SLC22A9: variants seen among roughly 807,000 people sequenced by gnomAD.
SLC22A9 encodes the protein solute carrier family 22 member 9.
A neutral mutation model predicts 50.1 loss-of-function variants in SLC22A9; 64 were observed. The ratio of observed to expected loss-of-function variants is 1.28; its 90% CI spans 1.04 to 1.57. The LOEUF (loss-of-function observed/expected upper bound fraction) is 1.57, where lower values mean the gene tolerates loss of function less well. Among genes scored for constraint, SLC22A9 ranks in the 40% most tolerant of loss-of-function variants. The pLI, the probability that SLC22A9 is intolerant of heterozygous loss-of-function variation, is 0.00. For missense variants in SLC22A9, 757 were observed against 676.1 expected, an observed-to-expected ratio of 1.12 and a Z score of -1.33; for synonymous variants, 261 against 242.5, an observed-to-expected ratio of 1.08 and a Z score of -0.71.
chr11:63,391,495 C>T (rs2014763616), intron 6 of SLC22A9, among the ~76,000 whole-genome samples: 1 of 151,666 alleles, frequency 6.6e-6, no homozygotes, highest in Non-Finnish European at 1.5e-5. Flanking sequence ...GCTTTATATA[C>T]CTGGGTGTGT....
At chr11:63,409,237 A>G (rs630759) in intron 9 of SLC22A9, among the ~76,000 whole-genome samples, 70,617 of 151,958 alleles carry the variant, frequency 0.46, 19,827 homozygotes, top group East Asian at 0.82. Context: ...CATCCCTGGG[A>G]AACCCTCAAA....
At chr11:63,387,427 C>G (rs919576862) in intron 6 of SLC22A9, among the ~76,000 whole-genome samples, 1 of 151,992 alleles carries the variant, frequency 6.6e-6, no homozygotes, top group Non-Finnish European at 1.5e-5. Context: ...ATTCTTGACA[C>G]CTTTCTCAAA....
At position 63,375,839 on chromosome 11, in the gene SLC22A9, G is replaced by A; in HGVS notation, c.954+71G>A. 2.6e-6 allele frequency: 4 copies of A among 1,564,456 alleles called. No individual in the cohort carries two copies. The South Asian group carries it at 4.8e-5, about 19-fold the overall frequency. ...TTGTCATCAATACTTAGCAGTAGCA[G>A]TGTCCATAAGGTAAAAAAAGGAAAG... On this transcript the variant is annotated intron_variant, in intron 5 of 9. Coordinates refer to ENST00000279178, the MANE Select transcript of SLC22A9 (RefSeq NM_080866.3).
chr11:63,375,254 G>A (rs1400927251), intron 4 of SLC22A9, among the ~76,000 whole-genome samples: 3 of 152,260 alleles, frequency 2.0e-5, no homozygotes, highest in African/African-American at 7.2e-5. Context: ...CCTTAAGCAT[G>A]CATAAATTAT....
intron 5 of SLC22A9, among the ~76,000 whole-genome samples, chr11:63,377,205 G>T (rs1225782236): frequency 2.0e-5 from 3 of 152,014 alleles, no homozygotes; most frequent in Non-Finnish European, 1.5e-5. Flanking sequence ...GGACCTAACA[G>T]ATATCTAAGG....
chr11:63,409,881 T>G lies in SLC22A9; in HGVS notation c.*19T>G, dbSNP rs759833562. On this transcript the variant is annotated 3_prime_UTR_variant, in exon 10 of 10. Transcript: ENST00000279178. Reference sequence around the variant, plus strand: ...GTTTTAAGGAATTCCAGGAGCTGACTGCCGATCAATGAGCCAGATGAAGGG... The same window carrying G: ...GTTTTAAGGAATTCCAGGAGCTGACGGCCGATCAATGAGCCAGATGAAGGG... 51 of 1,612,868 alleles carry G rather than the reference T, an allele frequency of 3.2e-5. No homozygotes were observed. In the East Asian group the frequency reaches 1.1e-3, roughly 34 times the overall value.
At chr11:63,390,820 A>T (rs2014751307) in intron 6 of SLC22A9, among the ~76,000 whole-genome samples, 1 of 151,960 alleles carries the variant, frequency 6.6e-6, no homozygotes, top group South Asian at 2.1e-4. Flanking sequence ...CTTCCTATCC[A>T]CACCTGCTCT....
chr11:63,405,107 G>A (rs1008442680), intron 6 of SLC22A9, among the ~76,000 whole-genome samples: 1 of 151,746 alleles, frequency 6.6e-6, no homozygotes, highest in African/African-American at 2.4e-5. Context: ...TTCCCCAAAA[G>A]CTATTGAAAT....
At chr11:63,400,910 C>G (rs528224248) in intron 6 of SLC22A9, among the ~76,000 whole-genome samples, 1 of 152,134 alleles carries the variant, frequency 6.6e-6, no homozygotes, top group South Asian at 2.1e-4. Context: ...AATATATAAT[C>G]ATTTCAACAG....
chr11:63,408,001 T>G, intron 7 of SLC22A9, 111 bp from the exon 8 acceptor site: 1 of 750,012 alleles, frequency 1.3e-6, no homozygotes, highest in Non-Finnish European at 2.2e-6. Context: ...TTCCCTACAG[T>G]ACATTTAACC....
Position 63,371,229 on chromosome 11 carries a change from T to A in SLC22A9, c.497T>A (p.Leu166Ter), listed in dbSNP as rs1255888723. ...MMVGGILGGHLSDRFGRRFVL... is the reference protein window; with the variant it reads ...MMVGGILGGH ...GTGGGAGGCATCCTAGGCGGTCATT[T>A]ATCAGACAGGTGAGTGTGTATGGAA... Residue 166 changes from leucine (L) to a stop codon, truncating the protein, a stop_gained, in exon 2 of 10, where the codon TTA becomes TAA. Coordinates refer to ENST00000279178, the MANE Select transcript of SLC22A9 (RefSeq NM_080866.3). LOFTEE classifies it high-confidence loss of function. The A allele has an allele frequency of 3.7e-6, 6 of 1,612,046 alleles. No homozygotes were observed. Among genetic ancestry groups the A allele is most frequent in the Non-Finnish European group, 5.1e-6 (6 of 1,178,500 alleles).
rs530997690 is a variant in SLC22A9, at chr11:63,409,956, C to T, written c.*94C>T. Reference sequence around the variant, plus strand: ...CTAGCAAAATCTAGAAAATAAATAACAAGGCTGGGTGCGGTGGCTCACGCC... The same window carrying T: ...CTAGCAAAATCTAGAAAATAAATAATAAGGCTGGGTGCGGTGGCTCACGCC... On this transcript the variant is annotated 3_prime_UTR_variant, in exon 10 of 10. Transcript: ENST00000279178. The T allele has an allele frequency of 2.8e-4, 397 of 1,439,578 alleles. No homozygotes were observed. Among genetic ancestry groups the T allele is most frequent in the South Asian group, 1.9e-3 (166 of 85,166 alleles). 89.2% of individuals were successfully genotyped at this position (1,439,578 alleles called of 1,614,324 possible).
intron 6 of SLC22A9, among the ~76,000 whole-genome samples, chr11:63,384,601 T>C (rs1434438119): frequency 6.6e-6 from 1 of 152,196 alleles, no homozygotes; most frequent in Non-Finnish European, 1.5e-5. Flanking sequence ...GCAATGAATG[T>C]ACGTGTGCAA....
chr11:63,374,631 A>G (rs1018000377), intron 4 of SLC22A9, among the ~76,000 whole-genome samples: 1 of 152,168 alleles, frequency 6.6e-6, no homozygotes, highest in Non-Finnish European at 1.5e-5. Context: ...TCGCCTTAAC[A>G]AGTATTATGG....
chr11:63,408,642 A>G (rs1310198579), intron 8 of SLC22A9, 34 bp from the exon 9 acceptor site: 2 of 1,582,290 alleles, frequency 1.3e-6, no homozygotes, highest in South Asian at 2.2e-5. Flanking sequence ...TGGATTTTTA[A>G]CAGATATTCT....
intron 5 of SLC22A9, among the ~76,000 whole-genome samples, chr11:63,380,795 A>C (rs2014547339): frequency 6.6e-6 from 1 of 152,138 alleles, no homozygotes; most frequent in Non-Finnish European, 1.5e-5. Flanking sequence ...CTACACACCA[A>C]ACCCCCATGA....
At chr11:63,374,975 A>C (rs1276824273) in intron 4 of SLC22A9, among the ~76,000 whole-genome samples, 1 of 152,176 alleles carries the variant, frequency 6.6e-6, no homozygotes, top group East Asian at 1.9e-4. Context: ...CCCTTAAAAA[A>C]GCCAGTTCAG....
chr11:63,399,942 T>G (rs1410972325), intron 6 of SLC22A9, among the ~76,000 whole-genome samples: 1 of 151,976 alleles, frequency 6.6e-6, no homozygotes, highest in Non-Finnish European at 1.5e-5. Context: ...GACAAATGGG[T>G]CAATCAAGGA....
At chr11:63,373,009 T>C (rs1261007737) in intron 2 of SLC22A9, among the ~76,000 whole-genome samples, 1 of 152,184 alleles carries the variant, frequency 6.6e-6, no homozygotes, top group Non-Finnish European at 1.5e-5. Flanking sequence ...GCCAATGACA[T>C]TGGTGAGAGC....
Sources: allele counts gnomAD v4.1 joint callset (sites outside exome capture counted in the v4.1 genomes callset), GRCh38; gene constraint gnomAD v4.1.1; transcripts MANE v1.5; gene names NCBI Gene and HGNC (gene_info 2026-07-23, HGNC 2026-07-21).